ST8SIA4: variants seen among roughly 807,000 people sequenced by gnomAD.
ST8SIA4 encodes the protein CMP-N-acetylneuraminate-poly-alpha-2,8-sialyltransferase.
Under a neutral mutation model 33.9 loss-of-function variants are expected in ST8SIA4, and 15 were observed. That is an observed-to-expected ratio of 0.44 (90% CI 0.30 to 0.68). The LOEUF is 0.68. Ranked by LOEUF, ST8SIA4 falls within the 30% of genes least tolerant of loss-of-function variation. The probability of loss-of-function intolerance (pLI) is 0.10; values close to 1 mark genes in which losing one functional copy is unlikely to be tolerated. For synonymous variants in ST8SIA4, 171 were observed against 151.2 expected (o/e 1.13, Z -0.96); for missense variants, 321 against 428.0 (o/e 0.75, Z 2.21).
intron 4 of ST8SIA4, chr5:100,816,694 A>C (rs1750927243): frequency 2.2e-6 from 1 of 449,864 alleles, no homozygotes; most frequent in South Asian, 1.7e-5. Context: ...TTATATTATA[A>C]GCAAAGTTTC....
intron 3 of ST8SIA4, among the ~76,000 whole-genome samples, chr5:100,857,964 C>T (rs944235377): frequency 2.0e-5 from 3 of 151,986 alleles, no homozygotes; most frequent in Non-Finnish European, 4.4e-5. Flanking sequence ...TGTTTCTACT[C>T]ATGATTCATA....
intron 4 of ST8SIA4, among the ~76,000 whole-genome samples, chr5:100,813,877 A>G (rs527447272): frequency 1.3e-5 from 2 of 152,108 alleles, no homozygotes; most frequent in African/African-American, 4.8e-5. Flanking sequence ...AAATCAGTCA[A>G]AAAGAAAACA....
intron 1 of ST8SIA4, among the ~76,000 whole-genome samples, chr5:100,901,898 GTTTTAATCA>G (rs943676323): frequency 6.6e-6 from 1 of 152,138 alleles, no homozygotes; most frequent in Non-Finnish European, 1.5e-5. Context: ...TGTTTTCTTT[GTTTTAATCA>G]ATGTCAGAGA....
chr5:100,892,659 TAAG>T (rs564787064), intron 2 of ST8SIA4, among the ~76,000 whole-genome samples: 78 of 152,246 alleles, frequency 5.1e-4, no homozygotes, highest in African/African-American at 1.8e-3. Flanking sequence ...AGGAATATAA[TAAG>T]AACATTATAA....
At chr5:100,871,026 G>A (rs1752187650) in intron 3 of ST8SIA4, among the ~76,000 whole-genome samples, 1 of 152,034 alleles carries the variant, frequency 6.6e-6, no homozygotes, top group African/African-American at 2.4e-5. Context: ...CATCATTCTA[G>A]TGCCCTAGAC....
chr5:100,865,495 G>A (rs1752042027), intron 3 of ST8SIA4, among the ~76,000 whole-genome samples: 2 of 152,106 alleles, frequency 1.3e-5, no homozygotes, highest in Admixed American at 6.5e-5. Flanking sequence ...GCATGGTTAA[G>A]GAAATCTTTA....
intron 3 of ST8SIA4, among the ~76,000 whole-genome samples, chr5:100,871,258 T>C (rs1374775208): frequency 6.6e-6 from 1 of 152,114 alleles, no homozygotes; most frequent in South Asian, 2.1e-4. Context: ...GTAAATTATC[T>C]ACCAGTGGAG....
At chr5:100,846,899 C>T (rs1018069905) in intron 4 of ST8SIA4, among the ~76,000 whole-genome samples, 1 of 152,038 alleles carries the variant, frequency 6.6e-6, no homozygotes, top group African/African-American at 2.4e-5. Context: ...ATTTATACTT[C>T]CACATTACAC....
chr5:100,854,553 G>A (rs1032094343), intron 4 of ST8SIA4, among the ~76,000 whole-genome samples: 1 of 151,798 alleles, frequency 6.6e-6, no homozygotes, highest in Non-Finnish European at 1.5e-5. Context: ...ACTGCACTCC[G>A]GCCTGGGCAA....
chr5:100,888,440 C>T (rs1752588873), intron 2 of ST8SIA4, among the ~76,000 whole-genome samples: 1 of 151,778 alleles, frequency 6.6e-6, no homozygotes, highest in African/African-American at 2.4e-5. Flanking sequence ...GGATATACAA[C>T]ATAATACCAG....
At chr5:100,828,419 A>C (rs746256943) in intron 4 of ST8SIA4, among the ~76,000 whole-genome samples, 2 of 152,192 alleles carry the variant, frequency 1.3e-5, no homozygotes, top group Non-Finnish European at 2.9e-5. Context: ...TGCAGGCTCC[A>C]AGCTCCACTT....
chr5:100,835,776 C>T (rs146092107), intron 4 of ST8SIA4, among the ~76,000 whole-genome samples: 1 of 152,252 alleles, frequency 6.6e-6, no homozygotes, highest in Admixed American at 6.5e-5. Flanking sequence ...TTGGGGGATA[C>T]ATTGGACATA....
intron 4 of ST8SIA4, among the ~76,000 whole-genome samples, chr5:100,850,178 T>C (rs930558468): frequency 1.3e-5 from 2 of 152,126 alleles, no homozygotes; most frequent in African/African-American, 4.8e-5. Flanking sequence ...TCTTTAAAAA[T>C]TTTTTGAGAA....
chr5:100,847,536 G>T (rs1435817738), intron 4 of ST8SIA4, among the ~76,000 whole-genome samples: 2 of 152,040 alleles, frequency 1.3e-5, no homozygotes, highest in African/African-American at 4.8e-5. Context: ...TCTGAAAGAT[G>T]AGTGCAGCAA....
At chr5:100,857,164 G>C (rs184211992) in intron 3 of ST8SIA4, among the ~76,000 whole-genome samples, 2 of 151,932 alleles carry the variant, frequency 1.3e-5, no homozygotes, top group Non-Finnish European at 2.9e-5. Flanking sequence ...AGAATATGCC[G>C]TACTGTTTTC....
intron 3 of ST8SIA4, among the ~76,000 whole-genome samples, chr5:100,870,030 T>C (rs960618982): frequency 6.6e-6 from 1 of 152,154 alleles, no homozygotes; most frequent in African/African-American, 2.4e-5. Flanking sequence ...TGGTGTGTGA[T>C]GTTCCCCACC....
rs539452838 is a variant in ST8SIA4, at chr5:100,874,653, T to C, written c.503+11690A>G. ...AGGCTCGAGTCTAGTGATACCATCA[T>C]GGCTCACTGCAGCCTCAACCTCCCG... is the stretch of plus-strand genomic sequence containing the variant. On this transcript the variant is annotated intron_variant, in intron 3 of 4. Coordinates refer to ENST00000231461, the MANE Select transcript of ST8SIA4 (RefSeq NM_005668.6). 2.0e-5 allele frequency among the ~76,000 whole-genome samples: 3 copies of C among 152,044 alleles called. No individual in the cohort carries two copies. In the South Asian group the frequency reaches 6.2e-4, roughly 32 times the overall value.
intron 4 of ST8SIA4, among the ~76,000 whole-genome samples, chr5:100,813,024 T>C (rs1750845895): frequency 6.6e-6 from 1 of 152,114 alleles, no homozygotes; most frequent in Admixed American, 6.5e-5. Context: ...TTAAAAATTA[T>C]TTTGTTTTTC....
chr5:100,891,787 T>C (rs1336173431), intron 2 of ST8SIA4, among the ~76,000 whole-genome samples: 1 of 152,048 alleles, frequency 6.6e-6, no homozygotes, highest in Non-Finnish European at 1.5e-5. Context: ...AAGGTCCTGG[T>C]TCCTCAGTCA....
Sources: allele counts gnomAD v4.1 joint callset (sites outside exome capture counted in the v4.1 genomes callset), GRCh38; gene constraint gnomAD v4.1.1; transcripts MANE v1.5; gene names NCBI Gene and HGNC (gene_info 2026-07-23, HGNC 2026-07-21).